TAFA1: variants seen among roughly 807,000 people sequenced by gnomAD.
The protein encoded by TAFA1 is chemokine-like protein TAFA-1.
In TAFA1, 4 loss-of-function variants were observed where a neutral mutation model predicts 18.5. The observed-to-expected ratio is 0.22, with a 90% CI of 0.11 to 0.49. The LOEUF (loss-of-function observed/expected upper bound fraction) is 0.49, where lower values mean the gene tolerates loss of function less well. TAFA1 is among the 20% of genes least tolerant of loss of function. TAFA1 has a pLI of 0.98. For synonymous variants in TAFA1, 56 were observed against 55.2 expected, an observed-to-expected ratio of 1.01 and a Z score of -0.06; for missense variants, 147 against 169.0, an observed-to-expected ratio of 0.87 and a Z score of 0.72.
chr3:68,244,917 G>A (rs1449471117), intron 2 of TAFA1, among the ~76,000 whole-genome samples: 1 of 152,180 alleles, frequency 6.6e-6, no homozygotes, highest in Non-Finnish European at 1.5e-5. Flanking sequence ...CATAAAGACA[G>A]TGTGACACAA....
At chr3:68,396,658 A>T (rs952373957) in intron 2 of TAFA1, among the ~76,000 whole-genome samples, 6 of 152,194 alleles carry the variant, frequency 3.9e-5, no homozygotes, top group African/African-American at 1.4e-4. Flanking sequence ...TAATCAACAA[A>T]ACTGCCATAG....
intron 2 of TAFA1, among the ~76,000 whole-genome samples, chr3:68,238,384 A>G (rs1344190430): frequency 6.6e-6 from 1 of 152,226 alleles, no homozygotes; most frequent in African/African-American, 2.4e-5. Context: ...AACTGAATAA[A>G]GAAATTCAGG....
chr3:68,156,059 A>G lies in TAFA1; in HGVS notation c.118+149315A>G, dbSNP rs1344987360. 2.0e-5 allele frequency among the ~76,000 whole-genome samples: 3 copies of G among 152,236 alleles called. No individual in the cohort carries two copies. In the East Asian group the frequency reaches 5.8e-4, roughly 29 times the overall value. Reference sequence around the variant, plus strand: ...GGTCAAGCAGACTGTATTTGGCCCAAGGGTACCGTTTCTGACATCTGAGTT... The same window carrying G: ...GGTCAAGCAGACTGTATTTGGCCCAGGGGTACCGTTTCTGACATCTGAGTT... On this transcript the variant is annotated intron_variant, in intron 2 of 4. Transcript: ENST00000478136.
At chr3:68,304,599 T>G (rs553478175) in intron 2 of TAFA1, among the ~76,000 whole-genome samples, 3 of 152,170 alleles carry the variant, frequency 2.0e-5, no homozygotes, top group Non-Finnish European at 2.9e-5. Context: ...ACCTAGGAAA[T>G]GAGATAAATT....
chr3:68,183,674 G>A (rs1198371642), intron 2 of TAFA1, among the ~76,000 whole-genome samples: 1 of 152,078 alleles, frequency 6.6e-6, no homozygotes, highest in African/African-American at 2.4e-5. Context: ...TTTGAATTTA[G>A]GGACTGTTCA....
intron 2 of TAFA1, among the ~76,000 whole-genome samples, chr3:68,220,382 G>C (rs951643264): frequency 2.6e-5 from 4 of 152,084 alleles, no homozygotes; most frequent in African/African-American, 9.7e-5. Context: ...TTTATGCTGA[G>C]CCTGGAATAA....
chr3:68,518,272 C>A (rs9647394), intron 3 of TAFA1, among the ~76,000 whole-genome samples: 124,343 of 152,120 alleles, frequency 0.82, 50,974 homozygotes, highest in East Asian at 0.9. Flanking sequence ...TATTATGAGG[C>A]TTAAATTATG....
At chr3:68,379,765 T>TA (rs914301588) in intron 2 of TAFA1, among the ~76,000 whole-genome samples, 1 of 151,454 alleles carries the variant, frequency 6.6e-6, no homozygotes, top group African/African-American at 2.4e-5. Flanking sequence ...TTTTTTTTTT[T>TA]AAATTTTATT....
chr3:68,343,905 A>G (rs262212), intron 2 of TAFA1, among the ~76,000 whole-genome samples: 66,035 of 152,032 alleles, frequency 0.43, 14,705 homozygotes, highest in South Asian at 0.6. Context: ...GTGATATGTC[A>G]TGATCTCGGC....
chr3:68,189,987 C>A (rs2066318221), intron 2 of TAFA1, among the ~76,000 whole-genome samples: 1 of 151,852 alleles, frequency 6.6e-6, no homozygotes, highest in South Asian at 2.1e-4. Context: ...ACAAAGGAAG[C>A]TGGCAAGCCT....
chr3:68,521,061 T>A (rs2073013522), intron 3 of TAFA1, among the ~76,000 whole-genome samples: 1 of 152,200 alleles, frequency 6.6e-6, no homozygotes, highest in Non-Finnish European at 1.5e-5. Flanking sequence ...AGGTATTGGT[T>A]TTTGACATAA....
rs115972843 is a variant in TAFA1 at position 68,069,541 on chromosome 3, C to A, written c.118+62797C>A. 2.3e-3 allele frequency among the ~76,000 whole-genome samples: 353 copies of A among 152,294 alleles called. 1 individual carries two copies. The highest frequency in any genetic ancestry group is 4.3e-3 in the Non-Finnish European group (293 of 68,034). On this transcript the variant is annotated intron_variant, in intron 2 of 4. Coordinates refer to ENST00000478136, the MANE Select transcript of TAFA1 (RefSeq NM_213609.4). Reference sequence around the variant, plus strand: ...CCAAACCGTATCATTCCACCCCTCACCCCTCCCAAACTTCATCCTCACATT... The same window carrying A: ...CCAAACCGTATCATTCCACCCCTCAACCCTCCCAAACTTCATCCTCACATT...
At chr3:68,501,824 C>A (rs2072663801) in intron 3 of TAFA1, among the ~76,000 whole-genome samples, 1 of 152,048 alleles carries the variant, frequency 6.6e-6, no homozygotes, top group African/African-American at 2.4e-5. Flanking sequence ...AAGCCATGTC[C>A]CATAAGAAAG....
At chr3:68,106,990 A>G (rs1311851229) in intron 2 of TAFA1, among the ~76,000 whole-genome samples, 1 of 152,140 alleles carries the variant, frequency 6.6e-6, no homozygotes, top group Non-Finnish European at 1.5e-5. Flanking sequence ...AGGAATGCAA[A>G]CTGTCAAAAC....
At chr3:68,032,120 T>C (rs955992928) in intron 2 of TAFA1, among the ~76,000 whole-genome samples, 1 of 152,174 alleles carries the variant, frequency 6.6e-6, no homozygotes, top group African/African-American at 2.4e-5. Context: ...ATTTTGGTTT[T>C]TGGCTGCCTG....
intron 2 of TAFA1, among the ~76,000 whole-genome samples, chr3:68,107,842 A>ACC (rs2065220279): frequency 1.3e-5 from 2 of 152,148 alleles, no homozygotes; most frequent in South Asian, 4.1e-4. Flanking sequence ...CACATAATTT[A>ACC]ATGTCTATTC....
intron 2 of TAFA1, among the ~76,000 whole-genome samples, chr3:68,165,078 G>T (rs185477740): frequency 1.3e-5 from 2 of 152,304 alleles, no homozygotes; most frequent in East Asian, 3.9e-4. Flanking sequence ...CCAAGGGACA[G>T]CAACCCAAAA....
At chr3:68,167,582 A>C (rs1267649559) in intron 2 of TAFA1, among the ~76,000 whole-genome samples, 2 of 141,604 alleles carry the variant, frequency 1.4e-5, no homozygotes, top group Non-Finnish European at 3.1e-5. Context: ...GTCTCAAAAA[A>C]AAAACAAAAA....
intron 2 of TAFA1, among the ~76,000 whole-genome samples, chr3:68,371,983 CTAATT>C (rs2069715278): frequency 6.6e-6 from 1 of 152,146 alleles, no homozygotes; most frequent in South Asian, 2.1e-4. Context: ...TCTACTGTGA[CTAATT>C]TAACACTTCT....
Sources: gnomAD v4.1 joint callset for allele counts (sites outside exome capture counted in the v4.1 genomes callset) on GRCh38, gnomAD v4.1.1 for gene constraint, MANE v1.5 for transcripts, NCBI Gene and HGNC (gene_info 2026-07-23, HGNC 2026-07-21) for gene names.